Variants in CSMD1 observed in about 807,000 individuals in gnomAD.
CSMD1 encodes CUB and Sushi multiple domains 1.
A neutral mutation model predicts 417.5 loss-of-function variants in CSMD1; 213 were observed. That is an observed-to-expected ratio of 0.51 (90% CI 0.46 to 0.57). CSMD1 has a LOEUF of 0.57. Ranked by LOEUF, CSMD1 falls within the 20% of genes least tolerant of loss-of-function variation. CSMD1 has a pLI of 0.00. For missense variants in CSMD1, 6,923 were observed against 4,529.7 expected (o/e 1.53, Z -15.17); for synonymous variants, 2,862 against 1,736.8 (o/e 1.65, Z -16.11).
chr8:4,256,550 T>C (rs1803466688), intron 3 of CSMD1, among the ~76,000 whole-genome samples: 2 of 152,064 alleles, frequency 1.3e-5, no homozygotes, highest in East Asian at 3.9e-4. Flanking sequence ...GACATCACCA[T>C]TTACTTTTAT....
intron 1 of CSMD1, among the ~76,000 whole-genome samples, chr8:4,802,794 G>A (rs993121591): frequency 1.3e-5 from 2 of 152,062 alleles, no homozygotes; most frequent in African/African-American, 2.4e-5. Context: ...TAGAAAATCC[G>A]TGACGTCATA....
At chr8:3,432,523 T>C (rs1814279587) in intron 12 of CSMD1, among the ~76,000 whole-genome samples, 1 of 148,522 alleles carries the variant, frequency 6.7e-6, no homozygotes, top group Non-Finnish European at 1.5e-5. Flanking sequence ...TTTTTTTTTT[T>C]TTTTTGAGAT....
intron 10 of CSMD1, among the ~76,000 whole-genome samples, chr8:3,558,780 A>C (rs1799337473): frequency 6.6e-6 from 1 of 150,386 alleles, no homozygotes; most frequent in Non-Finnish European, 1.5e-5. Flanking sequence ...CCCCGCGTCC[A>C]CTCCTCCAAT....
chr8:4,497,187 T>C (rs1437591509), intron 2 of CSMD1, among the ~76,000 whole-genome samples: 2 of 152,122 alleles, frequency 1.3e-5, no homozygotes, highest in Non-Finnish European at 2.9e-5. Flanking sequence ...GCATGTGGTC[T>C]TTTACCTTTC....
chr8:3,419,429 T>C (rs1007069619), intron 12 of CSMD1, among the ~76,000 whole-genome samples: 2 of 152,190 alleles, frequency 1.3e-5, no homozygotes, highest in Non-Finnish European at 2.9e-5. Context: ...TTCTAGAATT[T>C]CTGTTTTTCA....
chr8:3,324,365 A>G (rs1806373486), intron 23 of CSMD1, among the ~76,000 whole-genome samples: 1 of 150,408 alleles, frequency 6.6e-6, no homozygotes, highest in Non-Finnish European at 1.5e-5. Flanking sequence ...TCTAATCCCC[A>G]GGGACCCAGG....
intron 2 of CSMD1, among the ~76,000 whole-genome samples, chr8:4,420,404 A>G (rs951460652): frequency 2.0e-5 from 3 of 151,962 alleles, no homozygotes; most frequent in Non-Finnish European, 4.4e-5. Context: ...TATAGGGTAC[A>G]TGTGCAATAT....
At chr8:3,339,227 G>A (rs555308174) in intron 23 of CSMD1, among the ~76,000 whole-genome samples, 16 of 152,028 alleles carry the variant, frequency 1.1e-4, no homozygotes, top group African/African-American at 3.6e-4. Context: ...TCTTGATCCA[G>A]CCTTTCAGTG....
At chr8:4,432,687 G>C (rs893844246) in intron 2 of CSMD1, among the ~76,000 whole-genome samples, 1 of 152,120 alleles carries the variant, frequency 6.6e-6, no homozygotes, top group South Asian at 2.1e-4. Flanking sequence ...TCAAACCCTG[G>C]CGTCTCTCTC....
chr8:4,660,355 G>A (rs1314737176), intron 1 of CSMD1, among the ~76,000 whole-genome samples: 1 of 148,978 alleles, frequency 6.7e-6, no homozygotes, highest in Admixed American at 6.6e-5. Context: ...AACACATACA[G>A]GATGTGTTTG....
At chr8:3,182,841 G>GGGGGGTGTGTGTGTGTGTGTGTGTGTGT (rs768081848) in intron 36 of CSMD1, 5 of 11,478 alleles carry the variant, frequency 4.4e-4, no homozygotes, top group Admixed American at 1.7e-3. Flanking sequence ...TTTATAAGAA[G>GGGGGGTGTGTGTGTGTGTGTGTGTGTGT]GTGTGTGTGT....
At chr8:4,603,634 C>A (rs773635724) in intron 2 of CSMD1, among the ~76,000 whole-genome samples, 1 of 152,196 alleles carries the variant, frequency 6.6e-6, no homozygotes, top group East Asian at 1.9e-4. Flanking sequence ...AATATAATCA[C>A]CTCATTCAAA....
intron 3 of CSMD1, among the ~76,000 whole-genome samples, chr8:4,370,704 C>G (rs1406994190): frequency 6.6e-6 from 1 of 152,160 alleles, no homozygotes; most frequent in Non-Finnish European, 1.5e-5. Flanking sequence ...AGATTCTTTC[C>G]TCAGCTCGGT....
chr8:3,024,581 A>G (rs1334146081), intron 51 of CSMD1, among the ~76,000 whole-genome samples: 1 of 152,222 alleles, frequency 6.6e-6, no homozygotes, highest in Non-Finnish European at 1.5e-5. Flanking sequence ...TGTTGTGATT[A>G]TAGGCATGAG....
rs562772605 is a variant in CSMD1, at chr8:4,556,916, G to A, written c.302+80426C>T. 8.5e-5 allele frequency among the ~76,000 whole-genome samples: 13 copies of A among 152,214 alleles called. No individual in the cohort carries two copies. The South Asian group carries it at 2.3e-3, about 27-fold the overall frequency. On this transcript the variant is annotated intron_variant, in intron 2 of 69. Transcript: ENST00000635120. ...AATCAAAATTTATGAAATAATTCTT[G>A]CCCCAGCATTTCAGATAAGTGATAT...
At chr8:3,484,612 T>C (rs1478394802) in intron 11 of CSMD1, among the ~76,000 whole-genome samples, 1 of 152,154 alleles carries the variant, frequency 6.6e-6, no homozygotes, top group African/African-American at 2.4e-5. Flanking sequence ...TAAAAGCTTT[T>C]GCCATGTGTT....
chr8:4,179,266 T>A (rs932118063), intron 3 of CSMD1, among the ~76,000 whole-genome samples: 10 of 151,956 alleles, frequency 6.6e-5, no homozygotes. Context: ...CCCTCAGAAA[T>A]AATGCCACGT....
At chr8:3,221,171 C>T (rs940477203) in intron 28 of CSMD1, among the ~76,000 whole-genome samples, 11 of 152,094 alleles carry the variant, frequency 7.2e-5, no homozygotes, top group South Asian at 4.1e-4. Flanking sequence ...AACGTGGTAC[C>T]GCCAGCATCG....
At chr8:4,451,318 C>T (rs1237253992) in intron 2 of CSMD1, among the ~76,000 whole-genome samples, 1 of 152,156 alleles carries the variant, frequency 6.6e-6, no homozygotes, top group Admixed American at 6.5e-5. Context: ...CTGCACCACT[C>T]CAGCCTGGGC....
Sources: allele counts gnomAD v4.1 joint callset (sites outside exome capture counted in the v4.1 genomes callset), GRCh38; gene constraint gnomAD v4.1.1; transcripts MANE v1.5; gene names NCBI Gene and HGNC (gene_info 2026-07-23, HGNC 2026-07-21).